The following PCDHGA5 variants were observed in gnomAD, a reference collection of about 807,000 sequenced individuals.
PCDHGA5 encodes protocadherin gamma-A5.
Under a neutral mutation model 56.7 loss-of-function variants are expected in PCDHGA5, and 36 were observed. The observed-to-expected ratio is 0.64, with a 90% CI of 0.49 to 0.84. The LOEUF (loss-of-function observed/expected upper bound fraction) is 0.84, where lower values mean the gene tolerates loss of function less well. PCDHGA5 is among the 40% of genes least tolerant of loss of function. The pLI is 0.00. For missense variants in PCDHGA5, 1,305 were observed against 1,201.5 expected (o/e 1.09, Z -1.27); for synonymous variants, 563 against 520.2 (o/e 1.08, Z -1.12).
At chr5:141,405,145 G>A (rs772542898) in intron 1 of PCDHGA5, 4 of 1,613,952 alleles carry the variant, frequency 2.5e-6, no homozygotes, top group African/African-American at 2.7e-5. Context: ...CCAGTGATGG[G>A]TTGGCTGGTG....
chr5:141,408,661 G>A (rs1462103250), intron 1 of PCDHGA5: 1 of 1,613,770 alleles, frequency 6.2e-7, no homozygotes, highest in Non-Finnish European at 8.5e-7. Context: ...CACGACTATC[G>A]CTTGACCCTG....
intron 1 of PCDHGA5, chr5:141,415,556 CTT>C: frequency 6.2e-7 from 1 of 1,614,078 alleles, no homozygotes; most frequent in Non-Finnish European, 8.5e-7. Context: ...AAAAACGATC[CTT>C]TGTCTTTGTT....
intron 1 of PCDHGA5, among the ~76,000 whole-genome samples, chr5:141,439,341 G>A (rs1464427300): frequency 6.6e-6 from 1 of 152,166 alleles, no homozygotes; most frequent in East Asian, 1.9e-4. Context: ...AAGATTCTAA[G>A]CCTACAAATA....
At chr5:141,459,287 G>A (rs1362981410) in intron 1 of PCDHGA5, among the ~76,000 whole-genome samples, 1 of 152,136 alleles carries the variant, frequency 6.6e-6, no homozygotes, top group African/African-American at 2.4e-5. Context: ...TCATCTAAAT[G>A]GAATCCTATA....
Position 141,491,573 on chromosome 5 carries a change from T to G in PCDHGA5, c.2422-3234T>G. The G allele has an allele frequency of 6.2e-7, 1 of 1,613,912 alleles. No individual in the cohort carries two copies. The highest frequency in any genetic ancestry group is 8.5e-7 in the Non-Finnish European group (1 of 1,180,030). The stretch of plus-strand genomic sequence containing the variant: ...CAGAGCCACTGCTACAGGACGTGCT[T>G]TTCACCGGCCTCGGACGGCAGTGAC... On this transcript the variant is annotated intron_variant, in intron 1 of 3. Transcript: ENST00000518069. The surrounding 1 kb of genome is among the most constrained non-coding windows in gnomAD (Gnocchi z 6.9).
Position 141,485,302 on chromosome 5 carries a change from T to C in PCDHGA5, c.2422-9505T>C. 1.2e-6 allele frequency: 2 copies of C among 1,614,152 alleles called. No homozygotes were observed. Among genetic ancestry groups the C allele is most frequent in the South Asian group, 2.2e-5 (2 of 91,078 alleles). On this transcript the variant is annotated intron_variant, in intron 1 of 3. Coordinates refer to ENST00000518069, the MANE Select transcript of PCDHGA5 (RefSeq NM_018918.3). This position sits in a 1 kb window ranked among gnomAD's most constrained non-coding sequence, Gnocchi z 5.7. ...TCCCAGAGGAGTCACAGGAAGGGAC[T>C]TTTGTAGGGAATGTCGCTCAAGATT... is the stretch of plus-strand genomic sequence containing the variant.
chr5:141,389,229 G>A, intron 1 of PCDHGA5: 1 of 1,614,048 alleles, frequency 6.2e-7, no homozygotes, highest in South Asian at 1.1e-5. Context: ...CAACGCTCCG[G>A]TTTTCTCACA....
At chr5:141,413,841 T>C (rs1481867404) in intron 1 of PCDHGA5, 1 of 1,613,060 alleles carries the variant, frequency 6.2e-7, no homozygotes, top group Admixed American at 1.7e-5. Context: ...CCGACGGGGG[T>C]GACCCTCTCC....
intron 1 of PCDHGA5, chr5:141,441,346 G>A (rs1265971154): frequency 2.0e-5 from 3 of 152,340 alleles, no homozygotes; most frequent in African/African-American, 7.2e-5. Context: ...TTAACTACAT[G>A]CTTGTAACAA....
chr5:141,496,146 G>T (rs749790409), intron 2 of PCDHGA5, among the ~76,000 whole-genome samples: 1 of 151,170 alleles, frequency 6.6e-6, no homozygotes, highest in South Asian at 2.1e-4. Flanking sequence ...GCCTTTGATC[G>T]CAGCTCTCCA....
At chr5:141,394,199 A>T (rs1353569032) in intron 1 of PCDHGA5, 1 of 1,613,840 alleles carries the variant, frequency 6.2e-7, no homozygotes, top group Non-Finnish European at 8.5e-7. Context: ...CGTATATCCT[A>T]GAGAACAACC....
intron 1 of PCDHGA5, chr5:141,393,024 A>G (rs755325492): frequency 6.2e-7 from 1 of 1,613,834 alleles, no homozygotes; most frequent in East Asian, 2.2e-5. Context: ...CTCCAGAGGT[A>G]GGACGCAGCT....
rs752112707 is a variant in PCDHGA5, at chr5:141,376,279, A to G, written c.2421+9528A>G. 22 of 1,614,054 alleles carry G rather than the reference A, an allele frequency of 1.4e-5. No homozygotes were observed. The Admixed American group carries it at 1.8e-4, about 13-fold the overall frequency. ...TGCTGCAGGCTTCGGGAGGTGGCTT[A>G]GCGAGCATGCCCGGCTCGCACTTTG... is the stretch of plus-strand genomic sequence containing the variant. On this transcript the variant is annotated intron_variant, in intron 1 of 3. Coordinates refer to ENST00000518069, the MANE Select transcript of PCDHGA5 (RefSeq NM_018918.3).
chr5:141,418,637 T>A, intron 1 of PCDHGA5: 1 of 1,613,998 alleles, frequency 6.2e-7, no homozygotes. Context: ...TCCAGGCACC[T>A]CCATCCTGAG....
intron 1 of PCDHGA5, chr5:141,393,148 A>AT: frequency 6.2e-7 from 1 of 1,613,332 alleles, no homozygotes; most frequent in Non-Finnish European, 8.5e-7. Context: ...CTGGTTGAGG[A>AT]TAAAGGAAAA....
chr5:141,372,755 G>A (rs942442162), intron 1 of PCDHGA5: 3 of 1,613,064 alleles, frequency 1.9e-6, no homozygotes, highest in Middle Eastern at 1.6e-4. Context: ...AAGCCTCTTG[G>A]TTTGAAAGTA....
At chr5:141,474,041 GC>G (rs1242668125) in intron 1 of PCDHGA5, among the ~76,000 whole-genome samples, 3 of 152,140 alleles carry the variant, frequency 2.0e-5, no homozygotes. Context: ...CTGTACTCCA[GC>G]CTGGATGACA....
At chr5:141,494,181 C>T (rs2099752517) in intron 1 of PCDHGA5, among the ~76,000 whole-genome samples, 1 of 152,136 alleles carries the variant, frequency 6.6e-6, no homozygotes, top group Non-Finnish European at 1.5e-5. Flanking sequence ...GAGAAGTGTC[C>T]CGGGACTTGG....
At chr5:141,384,532 A>T (rs766404100) in intron 1 of PCDHGA5, 1 of 1,614,238 alleles carries the variant, frequency 6.2e-7, no homozygotes, top group South Asian at 1.1e-5. Flanking sequence ...TCTCAGCAGC[A>T]ACATGTCACT....
Sources: allele counts gnomAD v4.1 joint callset (sites outside exome capture counted in the v4.1 genomes callset), GRCh38; gene constraint gnomAD v4.1.1; non-coding constraint Gnocchi (gnomAD v3.1); transcripts MANE v1.5; gene names NCBI Gene and HGNC (gene_info 2026-07-23, HGNC 2026-07-21).